The following CSMD1 variants were observed in gnomAD, a reference collection of about 807,000 sequenced individuals.
CSMD1 encodes the protein CUB and Sushi multiple domains 1.
A neutral mutation model predicts 417.5 loss-of-function variants in CSMD1; 213 were observed. That is an observed-to-expected ratio of 0.51 (90% confidence interval 0.46 to 0.57). The LOEUF is 0.57. Among genes scored for constraint, CSMD1 ranks in the 20% least tolerant of loss-of-function variants. CSMD1 has a pLI of 0.00. For synonymous variants in CSMD1, 2,862 were observed against 1,736.8 expected, an observed-to-expected ratio of 1.65 and a Z score of -16.11; for missense variants, 6,923 against 4,529.7, an observed-to-expected ratio of 1.53 and a Z score of -15.17.
intron 23 of CSMD1, among the ~76,000 whole-genome samples, chr8:3,309,437 T>G (rs139480874): frequency 2.3e-4 from 35 of 152,330 alleles, no homozygotes; most frequent in African/African-American, 8.4e-4. Context: ...TGAATCATTA[T>G]AATGACCTCA....
chr8:3,469,548 C>T (rs1208862755), intron 11 of CSMD1, among the ~76,000 whole-genome samples: 1 of 152,086 alleles, frequency 6.6e-6, no homozygotes, highest in Non-Finnish European at 1.5e-5. Flanking sequence ...ACACTAAATC[C>T]ATTGATTGAA....
At chr8:3,394,839 A>T (rs917530280) in intron 17 of CSMD1, among the ~76,000 whole-genome samples, 2 of 152,206 alleles carry the variant, frequency 1.3e-5, no homozygotes, top group Non-Finnish European at 2.9e-5. Flanking sequence ...AATGTTGTAT[A>T]TCTATATATG....
chr8:4,138,098 G>C lies in CSMD1; in HGVS notation c.416-105999C>G, dbSNP rs1198329113. ...TTTTTTTTTTTTTTTGTATTTTTTAGTAGAGACGCGGTTTCACCGTGTTAC... is the reference window on the plus strand; with the variant it reads ...TTTTTTTTTTTTTTTGTATTTTTTACTAGAGACGCGGTTTCACCGTGTTAC... On this transcript the variant is annotated intron_variant, in intron 3 of 69. Coordinates refer to ENST00000635120, the MANE Select transcript of CSMD1 (RefSeq NM_033225.6). Among the ~76,000 whole-genome samples the C allele has an allele frequency of 1.9e-5, 2 of 105,106 alleles. 1 individual carries two copies. The highest frequency in any genetic ancestry group is 7.0e-5 in the African/African-American group (2 of 28,476). 69.0% of individuals were successfully genotyped at this position (105,106 alleles called of 152,430 possible).
intron 3 of CSMD1, among the ~76,000 whole-genome samples, chr8:4,042,220 A>G (rs1797926740): frequency 6.6e-6 from 1 of 152,226 alleles, no homozygotes; most frequent in African/African-American, 2.4e-5. Flanking sequence ...AGAGCACCAT[A>G]TCACACATGT....
intron 50 of CSMD1, among the ~76,000 whole-genome samples, chr8:3,031,867 T>C (rs1585190354): frequency 6.4e-5 from 2 of 31,362 alleles, no homozygotes; most frequent in Admixed American, 5.7e-4. Flanking sequence ...ACATCTCTCT[T>C]TTTTTTTTTT....
At chr8:4,260,495 G>C (rs1803801791) in intron 3 of CSMD1, among the ~76,000 whole-genome samples, 1 of 152,110 alleles carries the variant, frequency 6.6e-6, no homozygotes, top group South Asian at 2.1e-4. Flanking sequence ...TAAATACAAG[G>C]CAAACAATGT....
At chr8:4,391,877 C>G (rs1293611984) in intron 3 of CSMD1, among the ~76,000 whole-genome samples, 1 of 152,182 alleles carries the variant, frequency 6.6e-6, no homozygotes, top group Non-Finnish European at 1.5e-5. Context: ...GTATGTCCAC[C>G]AGCTTCTGCC....
intron 1 of CSMD1, among the ~76,000 whole-genome samples, chr8:4,953,824 G>T (rs13272409): frequency 0.057 from 8,639 of 151,972 alleles, 425 homozygotes; most frequent in East Asian, 0.23. Flanking sequence ...ATCTGCCACA[G>T]GAAGAATTAT....
intron 2 of CSMD1, among the ~76,000 whole-genome samples, chr8:4,491,256 T>C (rs1430668619): frequency 6.6e-6 from 1 of 152,078 alleles, no homozygotes; most frequent in Non-Finnish European, 1.5e-5. Context: ...GAAATGAATT[T>C]AGAGAGACCA....
intron 3 of CSMD1, among the ~76,000 whole-genome samples, chr8:4,164,430 G>C (rs985026673): frequency 6.6e-6 from 1 of 152,040 alleles, no homozygotes; most frequent in Non-Finnish European, 1.5e-5. Context: ...AGGGTTGCAG[G>C]TGACCTCTGA....
At chr8:3,321,933 T>C (rs781407912) in intron 23 of CSMD1, among the ~76,000 whole-genome samples, 3 of 152,220 alleles carry the variant, frequency 2.0e-5, no homozygotes, top group Non-Finnish European at 2.9e-5. Flanking sequence ...GATTCAGTAT[T>C]ATTTAGCAAA....
At chr8:3,090,081 G>A (rs866458281) in intron 48 of CSMD1, among the ~76,000 whole-genome samples, 4 of 151,790 alleles carry the variant, frequency 2.6e-5, no homozygotes, top group South Asian at 2.1e-4. Context: ...TTGGGAGGCC[G>A]AGGCGGCCGG....
At position 3,837,451 on chromosome 8, in the gene CSMD1, G is replaced by C. The variant is rs551556509; in HGVS notation, c.819-83409C>G. Among the ~76,000 whole-genome samples, 43 of 152,220 alleles carry C rather than the reference G, an allele frequency of 2.8e-4. 2 individuals are homozygous for C. Among genetic ancestry groups the C allele is most frequent in the Admixed American group, 9.2e-4 (14 of 15,276 alleles). On this transcript the variant is annotated intron_variant, in intron 5 of 69. Coordinates refer to ENST00000635120, the MANE Select transcript of CSMD1 (RefSeq NM_033225.6). ...TCACATATGACAGGCATTTATAAGA[G>C]AAGAGATGTCCTCCTGGGACCTAAT...
chr8:4,908,774 C>T lies in CSMD1; in HGVS notation c.85+85558G>A, dbSNP rs12114315. Among the ~76,000 whole-genome samples, 711 of 152,018 alleles carry T rather than the reference C, an allele frequency of 4.7e-3. 4 individuals carry two copies. The highest frequency in any genetic ancestry group is 0.016 in the African/African-American group (652 of 41,476). ...GATGCTTAGAGTTTTCATGTTTCTG[C>T]TTGCATAGCTTATCTGCTCTTACAT... On this transcript the variant is annotated intron_variant, in intron 1 of 69. Transcript: ENST00000635120.
intron 2 of CSMD1, among the ~76,000 whole-genome samples, chr8:4,447,964 T>C (rs964214385): frequency 6.6e-6 from 1 of 152,150 alleles, no homozygotes. Context: ...ACAATGCTAA[T>C]AGTACCAAAA....
chr8:3,949,664 G>C (rs1180873672), intron 5 of CSMD1, among the ~76,000 whole-genome samples: 1 of 152,064 alleles, frequency 6.6e-6, no homozygotes, highest in Non-Finnish European at 1.5e-5. Flanking sequence ...ACGAGGATGA[G>C]AGAAAGGAGG....
At chr8:3,963,823 T>C (rs1427965831) in intron 5 of CSMD1, among the ~76,000 whole-genome samples, 1 of 152,106 alleles carries the variant, frequency 6.6e-6, no homozygotes, top group Middle Eastern at 3.2e-3. Context: ...AAAATCAACA[T>C]CAAATGTAAA....
intron 3 of CSMD1, among the ~76,000 whole-genome samples, chr8:4,350,009 G>A (rs572373886): frequency 4.6e-5 from 7 of 151,988 alleles, no homozygotes; most frequent in Non-Finnish European, 1.0e-4. Context: ...CTGAGCCCTG[G>A]AATCTTGTCT....
intron 3 of CSMD1, among the ~76,000 whole-genome samples, chr8:4,184,734 C>G (rs960623552): frequency 6.6e-6 from 1 of 151,452 alleles, no homozygotes; most frequent in Non-Finnish European, 1.5e-5. Flanking sequence ...TGAAAAATAA[C>G]TAATGGGTAC....
Sources: gnomAD v4.1 joint callset for allele counts (sites outside exome capture counted in the v4.1 genomes callset) on GRCh38, gnomAD v4.1.1 for gene constraint, MANE v1.5 for transcripts, NCBI Gene and HGNC (gene_info 2026-07-23, HGNC 2026-07-21) for gene names.